The following SLC67A2 variants were observed in gnomAD, a reference collection of about 807,000 sequenced individuals.
The protein encoded by SLC67A2 is solute carrier family 67 member A2.
chr2:102,726,959 C>T, the SLC67A2 span: 5 of 1,613,496 alleles, frequency 3.1e-6, no homozygotes, highest in East Asian at 4.5e-5. Flanking sequence ...CTTCCCACTA[C>T]ATCGCTCCAG....
the SLC67A2 span, among the ~76,000 whole-genome samples, chr2:102,726,184 A>G: frequency 2.0e-5 from 3 of 152,248 alleles, no homozygotes; most frequent in Non-Finnish European, 4.4e-5. Flanking sequence ...CCGCTAACTG[A>G]CAGTCAGACA....
chr2:102,736,382 C>CA, the SLC67A2 span: 1 of 825,224 alleles, frequency 1.2e-6, no homozygotes, highest in Non-Finnish European at 1.8e-6. Context: ...AGGTTGGTAC[C>CA]AGGGCTTCTC....
At chr2:102,723,964 A>C in the SLC67A2 span, 7 of 1,443,444 alleles carry the variant, frequency 4.8e-6, no homozygotes, top group African/African-American at 7.0e-5. Flanking sequence ...TAAGTATCTT[A>C]CTTATGATCC....
At chr2:102,718,741 G>T in the SLC67A2 span, 4 of 1,613,862 alleles carry the variant, frequency 2.5e-6, no homozygotes, top group South Asian at 3.3e-5. Context: ...GGGCCAAGGA[G>T]TAGAGCAGCA....
chr2:102,736,785 A>C, the SLC67A2 span: 3 of 1,613,094 alleles, frequency 1.9e-6, no homozygotes, highest in Non-Finnish European at 2.5e-6. Flanking sequence ...GGCCGAGTTC[A>C]TGTCCCAGTG....
At chr2:102,718,388 A>C in the SLC67A2 span, 1 of 1,608,542 alleles carries the variant, frequency 6.2e-7, no homozygotes, top group Admixed American at 1.7e-5. Context: ...CAACCATCTC[A>C]AATTTTGTTG....
chr2:102,723,557 G>A, the SLC67A2 span: 13 of 591,172 alleles, frequency 2.2e-5, no homozygotes, highest in African/African-American at 3.9e-4. Flanking sequence ...AAAACACTAG[G>A]GGGGGTTCCT....
the SLC67A2 span, among the ~76,000 whole-genome samples, chr2:102,732,975 T>C: frequency 6.6e-6 from 1 of 152,218 alleles, no homozygotes; most frequent in African/African-American, 2.4e-5. Flanking sequence ...ACATGTGTCT[T>C]TGGAAAGCTA....
the SLC67A2 span, chr2:102,718,515 G>A: frequency 1.2e-6 from 2 of 1,613,752 alleles, no homozygotes; most frequent in African/African-American, 2.7e-5. Flanking sequence ...ACAGCGCCCA[G>A]GCTGGGGGGG....
the SLC67A2 span, among the ~76,000 whole-genome samples, chr2:102,721,760 C>T: frequency 5.9e-5 from 9 of 152,002 alleles, no homozygotes; most frequent in Non-Finnish European, 7.4e-5. Context: ...GCTGGAATGC[C>T]GTGGTGTGAT....
At chr2:102,716,049 G>C in the SLC67A2 span, 1 of 152,310 alleles carries the variant, frequency 6.6e-6, no homozygotes, top group Middle Eastern at 3.4e-3. Flanking sequence ...ACACTTTAAA[G>C]AGGAAGACAT....
At chr2:102,722,804 G>T in the SLC67A2 span, among the ~76,000 whole-genome samples, 1 of 152,116 alleles carries the variant, frequency 6.6e-6, no homozygotes, top group Non-Finnish European at 1.5e-5. Context: ...CACAGCAATG[G>T]AAACAAATCA....
At chr2:102,728,639 G>A in the SLC67A2 span, among the ~76,000 whole-genome samples, 2 of 152,166 alleles carry the variant, frequency 1.3e-5, no homozygotes, top group Middle Eastern at 3.4e-3. Context: ...CTGGGGAAAG[G>A]GTTACTGGCC....
the SLC67A2 span, among the ~76,000 whole-genome samples, chr2:102,731,580 C>A: frequency 1.3e-5 from 2 of 152,156 alleles, no homozygotes; most frequent in Admixed American, 1.3e-4. Context: ...TGTGCCCTAT[C>A]TGATTTTCCC....
chr2:102,724,458 G>A, the SLC67A2 span, among the ~76,000 whole-genome samples: 1 of 152,180 alleles, frequency 6.6e-6, no homozygotes, highest in African/African-American at 2.4e-5. Flanking sequence ...TAAGAGGCCT[G>A]TGAATTTGTT....
At chr2:102,720,551 C>G in the SLC67A2 span, among the ~76,000 whole-genome samples, 1 of 151,290 alleles carries the variant, frequency 6.6e-6, no homozygotes, top group African/African-American at 2.4e-5. Context: ...ACAAACAAGA[C>G]AAGGTCTATG....
chr2:102,725,396 C>G, the SLC67A2 span, among the ~76,000 whole-genome samples: 1 of 152,322 alleles, frequency 6.6e-6, no homozygotes, highest in Non-Finnish European at 1.5e-5. Flanking sequence ...AGGCTCACTT[C>G]CTATTAAATA....
At chr2:102,732,248 G>C in the SLC67A2 span, 1 of 1,224,350 alleles carries the variant, frequency 8.2e-7, no homozygotes, top group South Asian at 1.2e-5. Flanking sequence ...ATACAAAATT[G>C]AATTGTTTTC....
the SLC67A2 span, chr2:102,731,887 G>T: frequency 3.2e-6 from 1 of 310,648 alleles, no homozygotes. Flanking sequence ...GTTGGTGACG[G>T]TGTGAGAAGC....
Sources: gnomAD v4.1 joint callset for allele counts (sites outside exome capture counted in the v4.1 genomes callset) on GRCh38, gnomAD v4.1.1 for gene constraint, MANE v1.5 for transcripts, NCBI Gene and HGNC (gene_info 2026-07-23, HGNC 2026-07-21) for gene names.